NIPBL: variants seen among roughly 807,000 people sequenced by gnomAD.
The protein encoded by NIPBL is nipped-B-like protein.
Under a neutral mutation model 321.8 loss-of-function variants are expected in NIPBL, and 19 were observed. The ratio of observed to expected loss-of-function variants is 0.06; its 90% CI spans 0.04 to 0.09. NIPBL has a LOEUF of 0.09. NIPBL is among the 10% of genes least tolerant of loss of function. The pLI, the probability that NIPBL is intolerant of heterozygous loss-of-function variation, is 1.00. For missense variants in NIPBL, 2,210 were observed against 3,327.0 expected (o/e 0.66, Z 8.26); for synonymous variants, 1,106 against 1,114.1 (o/e 0.99, Z 0.14).
At chr5:36,919,753 A>G (rs76759926) in intron 1 of NIPBL, among the ~76,000 whole-genome samples, 3,405 of 152,250 alleles carry the variant, frequency 0.022, 131 homozygotes, top group African/African-American at 0.079. Context: ...CCATATGCAT[A>G]ATGAAAAACC....
At chr5:37,003,826 A>T (rs1327389129) in intron 16 of NIPBL, among the ~76,000 whole-genome samples, 8 of 152,234 alleles carry the variant, frequency 5.3e-5, no homozygotes. Flanking sequence ...GTCAATTCAC[A>T]GCTTTGCCAT....
chr5:36,944,453 T>C (rs913414894), intron 1 of NIPBL, among the ~76,000 whole-genome samples: 1 of 152,152 alleles, frequency 6.6e-6, no homozygotes, highest in Non-Finnish European at 1.5e-5. Flanking sequence ...CTTGAAGAAC[T>C]GAAGATCAAA....
At chr5:37,030,868 C>T (rs1208349172) in intron 32 of NIPBL, among the ~76,000 whole-genome samples, 2 of 149,572 alleles carry the variant, frequency 1.3e-5, no homozygotes, top group Non-Finnish European at 3.0e-5. Context: ...AGTCCTCTTT[C>T]CTCAGCCTCC....
At chr5:37,015,794 GT>G (rs1193301511) in intron 22 of NIPBL, among the ~76,000 whole-genome samples, 1 of 152,140 alleles carries the variant, frequency 6.6e-6, no homozygotes, top group Non-Finnish European at 1.5e-5. Context: ...TTTTAAATGT[GT>G]TTCACTTGCG....
chr5:37,055,037 C>T (rs1753950133), intron 42 of NIPBL, among the ~76,000 whole-genome samples: 1 of 151,832 alleles, frequency 6.6e-6, no homozygotes, highest in African/African-American at 2.4e-5. Flanking sequence ...ACTATGATAA[C>T]AGTAGGGGAG....
intron 37 of NIPBL, 138 bp downstream of exon 37, chr5:37,045,735 C>T (rs888323856): frequency 1.1e-6 from 1 of 912,678 alleles, no homozygotes; most frequent in Admixed American, 2.1e-5. Context: ...CAGTGCTGCT[C>T]AAAACGTGGT....
intron 4 of NIPBL, 71 bp from the exon 5 acceptor site, chr5:36,961,413 G>C: frequency 1.1e-6 from 1 of 926,528 alleles, no homozygotes; most frequent in Non-Finnish European, 1.8e-6. Context: ...AAGAATAACT[G>C]ATTTCAGTTA....
At chr5:36,917,170 C>T (rs1162688145) in intron 1 of NIPBL, among the ~76,000 whole-genome samples, 4 of 152,162 alleles carry the variant, frequency 2.6e-5, no homozygotes, top group Non-Finnish European at 4.4e-5. Context: ...CTGTTGTCTC[C>T]TGACTTTTTA....
At chr5:37,033,881 G>T (rs1751404687) in intron 32 of NIPBL, among the ~76,000 whole-genome samples, 1 of 150,468 alleles carries the variant, frequency 6.6e-6, no homozygotes, top group Non-Finnish European at 1.5e-5. Context: ...ATATATTTTT[G>T]ATCTCTGAGT....
chr5:36,950,910 T>TG (rs144991178), intron 1 of NIPBL, among the ~76,000 whole-genome samples: 18,467 of 152,112 alleles, frequency 0.12, 1,200 homozygotes, highest in Admixed American at 0.19. Context: ...ACAGATTACT[T>TG]ACATTTATTA....
intron 1 of NIPBL, among the ~76,000 whole-genome samples, chr5:36,905,909 A>T (rs1374605385): frequency 6.6e-6 from 1 of 151,438 alleles, no homozygotes; most frequent in Non-Finnish European, 1.5e-5. Context: ...CACCCAGCTA[A>T]TTTTTTTTGT....
intron 34 of NIPBL, among the ~76,000 whole-genome samples, chr5:37,042,687 A>G (rs946257818): frequency 6.6e-6 from 1 of 151,842 alleles, no homozygotes; most frequent in African/African-American, 2.4e-5. Context: ...TATTCCCGAC[A>G]TGCTGGTGCT....
chr5:36,931,506 C>T lies in NIPBL; in HGVS notation c.-79-22112C>T, dbSNP rs72734692. 7.5e-3 allele frequency among the ~76,000 whole-genome samples: 1,144 copies of T among 151,944 alleles called. 11 individuals carry two copies. The highest frequency in any genetic ancestry group is 0.012 in the Non-Finnish European group (844 of 67,958). ...CTAATTTTTGTATTTTCTATAGAGA[C>T]GAGGTTTTTCCTTGTTGCCCAGGTT... On this transcript the variant is annotated intron_variant, in intron 1 of 46. Transcript: ENST00000282516.
chr5:36,926,985 C>G (rs566348799), intron 1 of NIPBL, among the ~76,000 whole-genome samples: 322 of 152,210 alleles, frequency 2.1e-3, no homozygotes, highest in African/African-American at 7.1e-3. Flanking sequence ...GAAGCTGAAC[C>G]AAAATGTTTA....
chr5:36,997,859 G>T (rs1302146306), intron 11 of NIPBL, among the ~76,000 whole-genome samples: 1 of 152,088 alleles, frequency 6.6e-6, no homozygotes, highest in African/African-American at 2.4e-5. Flanking sequence ...ACGTTAAGTT[G>T]CAAGCATTAT....
intron 32 of NIPBL, among the ~76,000 whole-genome samples, chr5:37,033,731 T>TA (rs1491233297): frequency 1.8e-3 from 70 of 38,222 alleles, no homozygotes; most frequent in African/African-American, 2.9e-3. Flanking sequence ...TATATATATA[T>TA]TTTTTTTTTT....
chr5:37,011,928 T>G (rs531587382), intron 21 of NIPBL, among the ~76,000 whole-genome samples: 1 of 152,288 alleles, frequency 6.6e-6, no homozygotes, highest in African/African-American at 2.4e-5. Context: ...ATACATGCAT[T>G]AAATTTACTG....
intron 1 of NIPBL, among the ~76,000 whole-genome samples, chr5:36,928,576 A>G (rs1033131690): frequency 6.6e-6 from 1 of 152,230 alleles, no homozygotes; most frequent in Non-Finnish European, 1.5e-5. Context: ...TGATCCGCTT[A>G]ATATAAAGTT....
rs1171846102 is a variant in NIPBL, at chr5:36,885,510, C to G, written c.-80+8332C>G. 14 of 510,206 alleles carry G rather than the reference C, an allele frequency of 2.7e-5. No individual in the cohort carries two copies. The East Asian group carries it at 5.1e-4, about 19-fold the overall frequency. The allele number at this position is 510,206 out of a possible 1,614,324, so 31.6% of individuals were successfully genotyped here. ...CTGGACAGAGTGAGGAGCCTAGAGA[C>G]CAAGAACCAGAGACTGGAGAGCAAC... On this transcript the variant is annotated intron_variant, in intron 1 of 46. Coordinates refer to ENST00000282516, the MANE Select transcript of NIPBL (RefSeq NM_133433.4).
Sources: allele counts gnomAD v4.1 joint callset (sites outside exome capture counted in the v4.1 genomes callset), GRCh38; gene constraint gnomAD v4.1.1; transcripts MANE v1.5; gene names NCBI Gene and HGNC (gene_info 2026-07-23, HGNC 2026-07-21).